Variants in SLK observed in about 807,000 individuals in gnomAD.
The protein encoded by SLK is STE20-like serine/threonine-protein kinase.
In SLK, 67 loss-of-function variants were observed where a neutral mutation model predicts 147.7. The ratio of observed to expected loss-of-function variants is 0.45; its 90% CI spans 0.37 to 0.56. SLK has a LOEUF of 0.56. SLK is among the 20% of genes least tolerant of loss of function. The pLI, the probability that SLK is intolerant of heterozygous loss-of-function variation, is 0.00. For missense variants in SLK, 1,136 were observed against 1,438.8 expected, an observed-to-expected ratio of 0.79 and a Z score of 3.41; for synonymous variants, 441 against 475.0, an observed-to-expected ratio of 0.93 and a Z score of 0.93.
chr10:104,005,509 C>T, intron 9 of SLK, 52 bp from the exon 10 acceptor site: 1 of 1,512,080 alleles, frequency 6.6e-7, no homozygotes, highest in Non-Finnish European at 8.9e-7. Context: ...AAAATGTTTT[C>T]TACCTCCAGT....
Position 104,003,078 on chromosome 10 carries a change from C to T in SLK, c.1900C>T (p.Pro634Ser), listed in dbSNP as rs375427458. ...SENIMDINEEPGTTEGEEITE... is the reference protein window; with the variant it reads ...SENIMDINEESGTTEGEEITE... ...GAACATAATGGACATCAATGAGGAA[C>T]CAGGAACAACTGAAGGTGAAGAAAT... is the stretch of plus-strand genomic sequence containing the variant. Residue 634 changes from proline (P) to serine (S), a missense_variant, in exon 9 of 19, where the codon CCA becomes TCA. Pro to Ser is a moderately conservative substitution (Grantham distance 74, BLOSUM62 -1). This residue lies in a region of SLK where 516 missense variants were observed against 531.3 expected (regional missense o/e 0.97). Transcript: ENST00000369755. 2 of 1,613,934 alleles carry T rather than the reference C, an allele frequency of 1.2e-6. No homozygotes were observed. Among genetic ancestry groups the T allele is most frequent in the Non-Finnish European group, 1.7e-6 (2 of 1,179,914 alleles).
chr10:103,983,411 T>C (rs761838390), intron 1 of SLK, among the ~76,000 whole-genome samples: 3 of 152,210 alleles, frequency 2.0e-5, no homozygotes, highest in Non-Finnish European at 2.9e-5. Context: ...AGCTCTCCCA[T>C]CTGTGTTGCT....
chr10:104,014,588 T>G (rs1392643636), intron 13 of SLK, among the ~76,000 whole-genome samples: 1 of 152,176 alleles, frequency 6.6e-6, no homozygotes, highest in African/African-American at 2.4e-5. Context: ...GAGGGAGAAA[T>G]TATGAATTAC....
At chr10:103,971,248 C>T (rs940176737) in intron 1 of SLK, among the ~76,000 whole-genome samples, 1 of 65,090 alleles carries the variant, frequency 1.5e-5, no homozygotes, top group Non-Finnish European at 3.5e-5. Flanking sequence ...CTTTGGGTTT[C>T]TCTTTTTTTG....
chr10:104,016,794 G>T (rs1844471285), intron 13 of SLK, among the ~76,000 whole-genome samples: 1 of 152,116 alleles, frequency 6.6e-6, no homozygotes, highest in African/African-American at 2.4e-5. Flanking sequence ...GGAGCTGCCT[G>T]GCAGTGATCC....
At chr10:103,979,343 C>T (rs2134451552) in intron 1 of SLK, among the ~76,000 whole-genome samples, 1 of 152,294 alleles carries the variant, frequency 6.6e-6, no homozygotes, top group South Asian at 2.1e-4. Flanking sequence ...GCTTGTAAAG[C>T]ATGTTTTATT....
chr10:103,984,665 C>T (rs11191890), intron 1 of SLK, among the ~76,000 whole-genome samples: 73,114 of 152,056 alleles, frequency 0.48, 18,985 homozygotes, highest in East Asian at 0.72. Context: ...CTGCCCACCT[C>T]GTCCTTCCAA....
At chr10:104,007,159 T>C (rs1443224497) in intron 11 of SLK, among the ~76,000 whole-genome samples, 1 of 152,122 alleles carries the variant, frequency 6.6e-6, no homozygotes, top group Non-Finnish European at 1.5e-5. Context: ...ATAATATTAT[T>C]TTATTAAAGT....
rs1007793755 is a variant in SLK at position 104,026,937 on chromosome 10, C to T, written c.*1217C>T. 1 of 152,162 alleles carries T rather than the reference C, an allele frequency of 6.6e-6. No homozygotes were observed. The highest frequency in any genetic ancestry group is 1.5e-5 in the Non-Finnish European group (1 of 68,012). The allele number at this position is 152,162 out of a possible 1,614,324, so 9.4% of individuals were successfully genotyped here. A position where few individuals can be genotyped will look rare whatever the true frequency, so the allele number is the denominator to read the frequency against. On this transcript the variant is annotated 3_prime_UTR_variant, in exon 19 of 19. Coordinates refer to ENST00000369755, the MANE Select transcript of SLK (RefSeq NM_014720.4). ...TGTAATTATTAATGAAATGTTCACT[C>T]CTAGTCCCTTATGAGGCTTAGAATT...
At chr10:104,004,907 C>T (rs527875157) in intron 9 of SLK, among the ~76,000 whole-genome samples, 2 of 152,250 alleles carry the variant, frequency 1.3e-5, no homozygotes, top group East Asian at 3.9e-4. Flanking sequence ...GCAGCCAAAT[C>T]TGGTACTTTT....
At chr10:103,976,767 C>A (rs1368616737) in intron 1 of SLK, among the ~76,000 whole-genome samples, 1 of 152,176 alleles carries the variant, frequency 6.6e-6, no homozygotes, top group Non-Finnish European at 1.5e-5. Context: ...TATTCCCACA[C>A]CAAGCTCAAG....
In SLK at chr10:104,002,804, C is replaced by G; in HGVS notation, c.1626C>G (p.Ile542Met). The G allele has an allele frequency of 6.2e-7, 1 of 1,613,964 alleles. No individual in the cohort carries two copies. Among genetic ancestry groups the G allele is most frequent in the Non-Finnish European group, 8.5e-7 (1 of 1,180,000 alleles). The change falls in exon 9 of 19, where the codon ATC becomes ATG. Residue 542 changes from isoleucine to methionine, a missense_variant. This residue lies in a region of SLK where 516 missense variants were observed against 531.3 expected (regional missense o/e 0.97). Transcript: ENST00000369755. ...ACGACAAAACTCAAAAAGATGTGAT[C>G]AGCAATACAAGTGATGTGATAGGAA... is the stretch of plus-strand genomic sequence containing the variant. Reference protein sequence around the residue: ...GEDDKTQKDVISNTSDVIGTC... With the variant: ...GEDDKTQKDVMSNTSDVIGTC...
rs1844081946 is a variant in SLK at position 103,990,771 on chromosome 10, T to C, written c.247T>C (p.Leu83=). The C allele has an allele frequency of 1.3e-6, 2 of 1,569,358 alleles. No individual in the cohort carries two copies. The highest frequency in any genetic ancestry group is 1.7e-6 in the Non-Finnish European group (2 of 1,161,468). ...LEDYMVEIDI[L]ASCDHPNIVK... is the part of the protein sequence containing the mutation. ...AGATTACATGGTAGAGATTGACATA[T>C]TAGCATCTTGTGATCACCCAAATAT... The change falls in exon 2 of 19, where the codon TTA becomes CTA. Residue 83 remains leucine, a synonymous_variant. Transcript: ENST00000369755.
intron 13 of SLK, among the ~76,000 whole-genome samples, chr10:104,012,634 G>A (rs117653607): frequency 0.011 from 1,686 of 152,298 alleles, 29 homozygotes; most frequent in Non-Finnish European, 0.018. Flanking sequence ...TAGTGGTAGA[G>A]CCAGGATTCT....
At chr10:103,971,372 T>C (rs1176879283) in intron 1 of SLK, among the ~76,000 whole-genome samples, 1 of 152,166 alleles carries the variant, frequency 6.6e-6, no homozygotes, top group East Asian at 1.9e-4. Flanking sequence ...CCTCCCAGGT[T>C]CAAGCAATTC....
chr10:104,010,817 T>C lies in SLK; in HGVS notation c.2786T>C (p.Val929Ala). Reference protein sequence around the residue: ...QNMLKNRKKEVINEVEKAPKE... With the variant: ...QNMLKNRKKEAINEVEKAPKE... ...CTCCTGCATGCTTATACACTGTAGG[T>C]TATAAATGAAGTGGAGAAAGCACCC... The change falls in exon 13 of 19, where the codon GTT (valine) becomes GCT (alanine). Residue 929 changes from valine (V) to alanine (A), a missense_variant and splice_region_variant. Val to Ala is a moderately conservative substitution (Grantham distance 64). This residue lies in a region of SLK where 327 missense variants were observed against 457.5 expected (regional missense o/e 0.71). Coordinates refer to ENST00000369755, the MANE Select transcript of SLK (RefSeq NM_014720.4). The C allele has an allele frequency of 6.3e-7, 1 of 1,578,610 alleles. No individual in the cohort carries two copies. Among genetic ancestry groups the C allele is most frequent in the Non-Finnish European group, 8.6e-7 (1 of 1,167,620 alleles).
At position 104,002,552 on chromosome 10, in the gene SLK, C is replaced by T. The variant is rs762429301; in HGVS notation, c.1374C>T (p.Thr458=). Residue 458 remains threonine (T), a synonymous_variant, in exon 9 of 19, where the codon ACC becomes ACT. Coordinates refer to ENST00000369755, the MANE Select transcript of SLK (RefSeq NM_014720.4). The stretch of plus-strand genomic sequence containing the variant: ...GAAAAGAGAATAATATAATGATAAC[C>T]TTAGAAACAAATATTGAACATAATC... ...SEGKENNIMI[T]LETNIEHNLK... The T allele has an allele frequency of 1.2e-6, 2 of 1,607,186 alleles. No homozygotes were observed. Among genetic ancestry groups the T allele is most frequent in the South Asian group, 2.2e-5 (2 of 90,368 alleles).
intron 4 of SLK, among the ~76,000 whole-genome samples, chr10:103,994,200 T>G (rs1159599477): frequency 2.0e-5 from 3 of 152,162 alleles, no homozygotes; most frequent in Non-Finnish European, 4.4e-5. Context: ...ATTACAGATA[T>G]AGAAAACCAC....
In SLK at chr10:103,997,532, A is replaced by G. The variant is rs111238088; in HGVS notation, c.515-1367A>G. Among the ~76,000 whole-genome samples the G allele has an allele frequency of 1.3e-3, 203 of 151,452 alleles. 1 individual carries two copies. Among genetic ancestry groups the G allele is most frequent in the African/African-American group, 4.7e-3 (196 of 41,358 alleles). On this transcript the variant is annotated intron_variant, in intron 4 of 18. Transcript: ENST00000369755. ...CTCCATAGCAACTGCACCATTTTAC[A>G]TTTCTAACGGAAATGTACAAGGCTT...
Sources: gnomAD v4.1 joint callset for allele counts (sites outside exome capture counted in the v4.1 genomes callset) on GRCh38, gnomAD v4.1.1 for gene constraint, gnomAD v4.1.1 regional missense constraint, MANE v1.5 for transcripts, NCBI Gene and HGNC (gene_info 2026-07-23, HGNC 2026-07-21) for gene names.